Variants in G3BP1 observed in about 807,000 individuals in gnomAD.
G3BP1 encodes ras GTPase-activating protein-binding protein 1.
Under a neutral mutation model 58.6 loss-of-function variants are expected in G3BP1, and 35 were observed. The observed-to-expected ratio is 0.60, with a 90% CI of 0.46 to 0.79. The LOEUF (loss-of-function observed/expected upper bound fraction) is 0.79. G3BP1 is among the 30% of genes least tolerant of loss of function. G3BP1 has a pLI of 0.00. For missense variants in G3BP1, 523 were observed against 580.8 expected (o/e 0.90, Z 1.02); for synonymous variants, 191 against 195.4 (o/e 0.98, Z 0.19).
rs754410160 is a variant in G3BP1, at chr5:151,797,331, C to G, written c.644C>G (p.Pro215Arg). Residue 215 changes from proline (P) to arginine (R), a missense_variant, in exon 7 of 12, where the codon CCT becomes CGT. Physicochemically the swap from Pro to Arg is moderately radical, Grantham distance 103. Around this residue, in one of 2 missense-constraint regions of G3BP1, gnomAD observed 398 missense variants for 399.1 expected, o/e 1.00. Transcript: ENST00000356245. Reference protein sequence around the residue: ...EPVSEIQEEKPEPVLEETAPE... With the variant: ...EPVSEIQEEKREPVLEETAPE... Reference sequence around the variant, plus strand: ...GTATCTGAAATCCAAGAGGAAAAGCCTGAGCCAGTATTAGAAGAAACTGCC... The same window carrying G: ...GTATCTGAAATCCAAGAGGAAAAGCGTGAGCCAGTATTAGAAGAAACTGCC... 1 of 1,614,038 alleles carries G rather than the reference C, an allele frequency of 6.2e-7. No homozygotes were observed. Among genetic ancestry groups the G allele is most frequent in the South Asian group, 1.1e-5 (1 of 91,082 alleles).
rs531800704 is a variant in G3BP1, at chr5:151,805,941, T to C, written c.*1850T>C. On this transcript the variant is annotated 3_prime_UTR_variant, in exon 12 of 12. Coordinates refer to ENST00000356245, the MANE Select transcript of G3BP1 (RefSeq NM_005754.3). ...TCCTTCATGAGTGAATACTAAATTA[T>C]ACATTTCAAAACAGAAGTTCTTCCT... The C allele has an allele frequency of 5.3e-5, 8 of 152,240 alleles. No individual in the cohort carries two copies. Among genetic ancestry groups the C allele is most frequent in the South Asian group, 2.1e-4 (1 of 4,834 alleles). 9.4% of individuals were successfully genotyped at this position (152,240 alleles called of 1,614,324 possible). A position where few individuals can be genotyped will look rare whatever the true frequency, so the allele number is the denominator to read the frequency against.
rs748000057 is a variant in G3BP1 at position 151,790,943 on chromosome 5, C to T, written c.232C>T (p.Arg78Cys). 1.6e-5 allele frequency: 26 copies of T among 1,610,248 alleles called. No individual in the cohort carries two copies. Among genetic ancestry groups the T allele is most frequent in the Admixed American group, 6.7e-5 (4 of 59,986 alleles). The change falls in exon 4 of 12, where the codon CGC becomes TGC. Residue 78 changes from arginine to cysteine, a missense_variant. Physicochemically the swap from Arg to Cys is radical, Grantham distance 180 (BLOSUM62 -3). Around this residue, in one of 2 missense-constraint regions of G3BP1, gnomAD observed 398 missense variants for 399.1 expected, o/e 1.00. Transcript: ENST00000356245. ...CTTCACCAACTGCCACACCAAGATTCGCCATGTTGATGCTCATGCCACGCT... is the reference window on the plus strand; with the variant it reads ...CTTCACCAACTGCCACACCAAGATTTGCCATGTTGATGCTCATGCCACGCT... ...QNFTNCHTKI[R>C]HVDAHATLND...
rs192674380 is a variant in G3BP1, at chr5:151,778,216, G to A, written c.-50+6180G>A. ...TGTACCATTTTACATTGCCACCAGC[G>A]ATGTTTGGGGGGTTCCAGTTCTGCC... On this transcript the variant is annotated intron_variant, in intron 1 of 11. Transcript: ENST00000356245. 2.8e-3 allele frequency among the ~76,000 whole-genome samples: 424 copies of A among 152,268 alleles called. 6 individuals carry two copies. Among genetic ancestry groups the A allele is most frequent in the African/African-American group, 9.4e-3 (390 of 41,538 alleles).
intron 1 of G3BP1, among the ~76,000 whole-genome samples, chr5:151,777,451 C>T (rs761617741): frequency 2.0e-5 from 3 of 152,186 alleles, no homozygotes; most frequent in East Asian, 1.9e-4. Flanking sequence ...TTTTTCTATA[C>T]GGGCTTCCAT....
intron 8 of G3BP1, among the ~76,000 whole-genome samples, 174 bp from the exon 9 acceptor site, chr5:151,799,715 G>T (rs1173356380): frequency 6.6e-6 from 1 of 151,594 alleles, no homozygotes; most frequent in African/African-American, 2.4e-5. Context: ...AATCAATGTA[G>T]AAACAGAACT....
chr5:151,798,521 A>G (rs1762794238), intron 7 of G3BP1, among the ~76,000 whole-genome samples: 1 of 152,240 alleles, frequency 6.6e-6, no homozygotes, highest in African/African-American at 2.4e-5. Flanking sequence ...GCGATTTTTA[A>G]ATGTGCGAGA....
chr5:151,797,346 A>G lies in G3BP1; in HGVS notation c.659A>G (p.Glu220Gly), dbSNP rs1762770735. 2 of 1,614,166 alleles carry G rather than the reference A, an allele frequency of 1.2e-6. No individual in the cohort carries two copies. Among genetic ancestry groups the G allele is most frequent in the East Asian group, 4.5e-5 (2 of 44,878 alleles). Residue 220 changes from glutamate to glycine, a missense_variant, in exon 7 of 12, where the codon GAA becomes GGA. Glu to Gly is a moderately conservative substitution (Grantham distance 98, BLOSUM62 -2). This residue lies in a region of G3BP1 where 398 missense variants were observed against 399.1 expected (regional missense o/e 1.00). Coordinates refer to ENST00000356245, the MANE Select transcript of G3BP1 (RefSeq NM_005754.3). Reference sequence around the variant, plus strand: ...GAGGAAAAGCCTGAGCCAGTATTAGAAGAAACTGCCCCTGAGGATGCTCAG... The same window carrying G: ...GAGGAAAAGCCTGAGCCAGTATTAGGAGAAACTGCCCCTGAGGATGCTCAG... Reference protein sequence around the residue: ...IQEEKPEPVLEETAPEDAQKS... With the variant: ...IQEEKPEPVLGETAPEDAQKS...
chr5:151,786,996 C>G (rs1488334306), intron 2 of G3BP1: 1 of 220,560 alleles, frequency 4.5e-6, no homozygotes, highest in African/African-American at 2.3e-5. Flanking sequence ...GTGCCCACAA[C>G]CATGCCCGGC....
intron 11 of G3BP1, 26 bp from the exon 12 acceptor site, chr5:151,803,849 CAGTACTCTTA>C (rs754353712): frequency 7.3e-7 from 1 of 1,372,484 alleles, no homozygotes; most frequent in South Asian, 1.2e-5. Context: ...GCCAGCTCAT[CAGTACTCTTA>C]AGTCTGGTCA....
intron 11 of G3BP1, among the ~76,000 whole-genome samples, chr5:151,803,129 C>T (rs1425577179): frequency 6.6e-6 from 1 of 152,164 alleles, no homozygotes; most frequent in Admixed American, 6.6e-5. Flanking sequence ...ATCCAAAATT[C>T]TCAGGAGGTG....
chr5:151,799,409 T>G, intron 8 of G3BP1, 96 bp downstream of exon 8: 1 of 725,480 alleles, frequency 1.4e-6, no homozygotes, highest in Admixed American at 2.0e-5. Flanking sequence ...ACTGGTCAGG[T>G]GCAGTGTGGC....
intron 1 of G3BP1, among the ~76,000 whole-genome samples, chr5:151,780,513 C>T (rs144306971): frequency 0.011 from 1,701 of 152,118 alleles, 16 homozygotes; most frequent in Non-Finnish European, 0.018. Flanking sequence ...ATAGTTATTT[C>T]CCCCTCCGCC....
At chr5:151,790,859 G>GATTATT (rs553894843) in intron 3 of G3BP1, 30 bp from the exon 4 acceptor site, 2 of 1,298,934 alleles carry the variant, frequency 1.5e-6, no homozygotes, top group Non-Finnish European at 2.2e-6. Flanking sequence ...ATTCTCAGTT[G>GATTATT]ATTATTATTA....
rs1027072429 is a variant in G3BP1 at position 151,806,536 on chromosome 5, C to G, written c.*2445C>G. 2 of 152,142 alleles carry G rather than the reference C, an allele frequency of 1.3e-5. No homozygotes were observed. The highest frequency in any genetic ancestry group is 4.8e-5 in the African/African-American group (2 of 41,428). The allele number at this position is 152,142 out of a possible 1,614,324, so 9.4% of individuals were successfully genotyped here. On this transcript the variant is annotated 3_prime_UTR_variant, in exon 12 of 12. Coordinates refer to ENST00000356245, the MANE Select transcript of G3BP1 (RefSeq NM_005754.3). Reference sequence around the variant, plus strand: ...TGGACCTAAGAAATAGGATTAGCATCATGATCAGAACTGTTGAGAATCCTT... The same window carrying G: ...TGGACCTAAGAAATAGGATTAGCATGATGATCAGAACTGTTGAGAATCCTT...
At chr5:151,795,600 CG>C in intron 6 of G3BP1, 25 bp downstream of exon 6, 1 of 1,174,032 alleles carries the variant, frequency 8.5e-7, no homozygotes, top group South Asian at 1.2e-5. Flanking sequence ...TTCACATGTC[CG>C]GGGCTGCATA....
intron 1 of G3BP1, among the ~76,000 whole-genome samples, chr5:151,780,880 G>C (rs1429749440): frequency 6.6e-6 from 1 of 152,170 alleles, no homozygotes; most frequent in Non-Finnish European, 1.5e-5. Context: ...TTGATGGGGA[G>C]TTTCTTTGAA....
At chr5:151,796,623 A>G (rs1309661166) in intron 6 of G3BP1, among the ~76,000 whole-genome samples, 1 of 152,204 alleles carries the variant, frequency 6.6e-6, no homozygotes, top group Non-Finnish European at 1.5e-5. Flanking sequence ...TGTATTCTGA[A>G]TCATAACTAT....
intron 3 of G3BP1, 35 bp from the exon 4 acceptor site, chr5:151,790,854 C>T: frequency 8.1e-7 from 1 of 1,239,790 alleles, no homozygotes; most frequent in Non-Finnish European, 1.1e-6. Flanking sequence ...AAGGCATTCT[C>T]AGTTGATTAT....
chr5:151,799,301 AC>A lies in G3BP1; in HGVS notation c.833del (p.Pro278GlnfsTer31). On this transcript the variant is annotated frameshift_variant, in exon 8 of 12. Coordinates refer to ENST00000356245, the MANE Select transcript of G3BP1 (RefSeq NM_005754.3). LOFTEE classifies it high-confidence loss of function. Reference sequence around the variant, plus strand: ...GGATACCACCTCATGTTGTTAAAGTACCAGCTTCACAGGTAAGGTCCTAATA... The same window carrying A: ...GGATACCACCTCATGTTGTTAAAGTACAGCTTCACAGGTAAGGTCCTAATA... ...TGIPPHVVKV[P>X]ASQPRPESKP... The A allele has an allele frequency of 6.5e-7, 1 of 1,541,482 alleles. No individual in the cohort carries two copies. The highest frequency in any genetic ancestry group is 9.0e-7 in the Non-Finnish European group (1 of 1,113,890).
Sources: gnomAD v4.1 joint callset for allele counts (sites outside exome capture counted in the v4.1 genomes callset) on GRCh38, gnomAD v4.1.1 for gene constraint, gnomAD v4.1.1 regional missense constraint, MANE v1.5 for transcripts, NCBI Gene and HGNC (gene_info 2026-07-23, HGNC 2026-07-21) for gene names.